The following PCDHGA3 variants were observed in gnomAD, a reference collection of about 807,000 sequenced individuals.
PCDHGA3 encodes protocadherin gamma-A3.
PCDHGA3 carries 40 observed loss-of-function variants against 58.5 expected under a neutral mutation model. The ratio of observed to expected loss-of-function variants is 0.68; its 90% confidence interval spans 0.53 to 0.89. PCDHGA3 has a LOEUF of 0.89. PCDHGA3 is among the 40% of genes least tolerant of loss of function. The pLI is 0.00. For synonymous variants in PCDHGA3, 530 were observed against 525.7 expected (o/e 1.01, Z -0.11); for missense variants, 1,223 against 1,195.9 (o/e 1.02, Z -0.33).
At chr5:141,403,905 A>G in intron 1 of PCDHGA3, 1 of 1,613,894 alleles carries the variant, frequency 6.2e-7, no homozygotes, top group Non-Finnish European at 8.5e-7. Context: ...TATGAAATGG[A>G]AATACAAGCT....
Position 141,385,038 on chromosome 5 carries a change from G to A in PCDHGA3, c.2424+38581G>A, listed in dbSNP as rs377185831. The A allele has an allele frequency of 7.4e-6, 12 of 1,614,020 alleles. No individual in the cohort carries two copies. The African/African-American group carries it at 1.2e-4, about 16-fold the overall frequency. On this transcript the variant is annotated intron_variant, in intron 1 of 3. Transcript: ENST00000253812. ...TAGCCTTCGTCCTCGTACTGCTGGC[G>A]CTCAGGCTGCGGCGCTGGCACAAGT...
intron 1 of PCDHGA3, chr5:141,419,788 A>G (rs750179874): frequency 6.2e-7 from 1 of 1,614,054 alleles, no homozygotes; most frequent in Non-Finnish European, 8.5e-7. Context: ...AGCGCCTGCT[A>G]GTCGCTGTAA....
At position 141,345,077 on chromosome 5, in the gene PCDHGA3, A is replaced by G; in HGVS notation, c.1044A>G (p.Thr348=). 6.2e-7 allele frequency: 1 copy of G among 1,613,982 alleles called. No individual in the cohort carries two copies. The highest frequency in any genetic ancestry group is 8.5e-7 in the Non-Finnish European group (1 of 1,179,878). ...LDVNDNAPEI[T]ITSLTSSVPE... is the part of the protein sequence containing the mutation. Reference sequence around the variant, plus strand: ...TGAATGACAATGCTCCAGAAATTACAATCACGTCTCTCACAAGCTCAGTCC... The same window carrying G: ...TGAATGACAATGCTCCAGAAATTACGATCACGTCTCTCACAAGCTCAGTCC... Residue 348 remains threonine (T), a synonymous_variant, in exon 1 of 4, where the codon ACA becomes ACG. Coordinates refer to ENST00000253812, the MANE Select transcript of PCDHGA3 (RefSeq NM_018916.4).
At chr5:141,366,451 C>A (rs372498112) in intron 1 of PCDHGA3, 8 of 1,614,110 alleles carry the variant, frequency 5.0e-6, no homozygotes, top group Non-Finnish European at 6.8e-6. Context: ...TCCTGGCCTT[C>A]GTCATCGTGC....
chr5:141,445,034 A>T (rs963629240), intron 1 of PCDHGA3, among the ~76,000 whole-genome samples: 4 of 152,156 alleles, frequency 2.6e-5, no homozygotes, highest in Admixed American at 2.0e-4. Context: ...GCTATGTTGT[A>T]TAGTTTTCAG....
At chr5:141,484,876 A>C in intron 1 of PCDHGA3, 1 of 315,240 alleles carries the variant, frequency 3.2e-6, no homozygotes, top group Non-Finnish European at 5.8e-6. Flanking sequence ...CGTGGAGGAT[A>C]GGGTGGGCTT....
intron 1 of PCDHGA3, among the ~76,000 whole-genome samples, chr5:141,453,996 C>T (rs2098779349): frequency 6.6e-6 from 1 of 152,128 alleles, no homozygotes; most frequent in Admixed American, 6.6e-5. Context: ...GTGATAAACC[C>T]ACATAACATT....
At position 141,364,870 on chromosome 5, in the gene PCDHGA3, G is replaced by A. The variant is rs767440295; in HGVS notation, c.2424+18413G>A. On this transcript the variant is annotated intron_variant, in intron 1 of 3. Coordinates refer to ENST00000253812, the MANE Select transcript of PCDHGA3 (RefSeq NM_018916.4). Reference sequence around the variant, plus strand: ...TCAGCTCCAATCTGCACTTCTCTCTGGATGTGGTAAGCGGAACTGATGGAC... The same window carrying A: ...TCAGCTCCAATCTGCACTTCTCTCTAGATGTGGTAAGCGGAACTGATGGAC... The A allele has an allele frequency of 1.1e-5, 17 of 1,613,978 alleles. No individual in the cohort carries two copies. In the Admixed American group the frequency reaches 1.8e-4, roughly 17 times the overall value.
At chr5:141,409,954 C>T (rs774233531) in intron 1 of PCDHGA3, 3 of 1,613,356 alleles carry the variant, frequency 1.9e-6, no homozygotes, top group South Asian at 1.1e-5. Flanking sequence ...CTGCAGAGCC[C>T]GGCTACCTAG....
chr5:141,424,184 C>A, intron 1 of PCDHGA3: 1 of 199,136 alleles, frequency 5.0e-6, no homozygotes, highest in Non-Finnish European at 9.9e-6. Context: ...TACACATGCA[C>A]ACACACTTAT....
intron 1 of PCDHGA3, chr5:141,410,627 TTC>T: frequency 6.2e-7 from 1 of 1,602,046 alleles, no homozygotes; most frequent in Admixed American, 1.7e-5. Flanking sequence ...TTCGGTGAGT[TTC>T]TCTTTTTTGT....
intron 1 of PCDHGA3, chr5:141,365,077 G>T (rs1048742374): frequency 6.2e-6 from 10 of 1,613,724 alleles, no homozygotes; most frequent in Non-Finnish European, 8.5e-6. Context: ...AGTACAGCGT[G>T]AGTGTTCCAG....
intron 1 of PCDHGA3, among the ~76,000 whole-genome samples, chr5:141,429,781 A>G (rs2097245343): frequency 1.3e-5 from 2 of 152,186 alleles, no homozygotes; most frequent in Non-Finnish European, 2.9e-5. Context: ...TGGGCTTCCA[A>G]AAGTATTACC....
Position 141,485,302 on chromosome 5 carries a change from T to C in PCDHGA3, c.2425-9505T>C. 1.2e-6 allele frequency: 2 copies of C among 1,614,152 alleles called. No homozygotes were observed. Among genetic ancestry groups the C allele is most frequent in the South Asian group, 2.2e-5 (2 of 91,078 alleles). On this transcript the variant is annotated intron_variant, in intron 1 of 3. Coordinates refer to ENST00000253812, the MANE Select transcript of PCDHGA3 (RefSeq NM_018916.4). This position sits in a 1 kb window ranked among gnomAD's most constrained non-coding sequence, Gnocchi z 5.7. ...TCCCAGAGGAGTCACAGGAAGGGAC[T>C]TTTGTAGGGAATGTCGCTCAAGATT... is the stretch of plus-strand genomic sequence containing the variant.
At chr5:141,371,062 G>C in intron 1 of PCDHGA3, 1 of 1,613,974 alleles carries the variant, frequency 6.2e-7, no homozygotes, top group African/African-American at 1.3e-5. Context: ...CCCTCCAGAA[G>C]CTGTACCACC....
intron 1 of PCDHGA3, chr5:141,376,110 G>A (rs772810239): frequency 3.7e-6 from 6 of 1,613,762 alleles, no homozygotes; most frequent in Non-Finnish European, 4.2e-6. Flanking sequence ...GCCGACCTGG[G>A]CAGCCTCGAG....
rs1264688160 is a variant in PCDHGA3, at chr5:141,493,193, G to A, written c.2425-1614G>A. 6.6e-6 allele frequency among the ~76,000 whole-genome samples: 1 copy of A among 152,128 alleles called. No individual in the cohort carries two copies. On this transcript the variant is annotated intron_variant, in intron 1 of 3. Transcript: ENST00000253812. This position sits in a 1 kb window ranked among gnomAD's most constrained non-coding sequence, Gnocchi z 4.3. ...GAGAAACTTACTATATAACTCCTTT[G>A]AGAACCTCATCTCATTTGCTCTTCC...
Position 141,510,990 on chromosome 5 carries a change from C to T in PCDHGA3, c.2616C>T (p.Thr872=). ...GSSTLGGGAG[T]MGLSARYGPQ... ...CCACCCTGGGAGGGGGTGCCGGCAC[C>T]ATGGGATTGAGCGCCCGCTACGGAC... The change falls in exon 4 of 4, where the codon ACC becomes ACT. Residue 872 remains threonine, a synonymous_variant. Transcript: ENST00000253812. The T allele has an allele frequency of 2.5e-6, 4 of 1,614,166 alleles. No homozygotes were observed. Among genetic ancestry groups the T allele is most frequent in the Non-Finnish European group, 3.4e-6 (4 of 1,180,014 alleles).
chr5:141,361,556 T>A, intron 1 of PCDHGA3: 1 of 1,614,058 alleles, frequency 6.2e-7, no homozygotes, highest in Non-Finnish European at 8.5e-7. Flanking sequence ...ATCGCTCAAA[T>A]CAGTGCCTCT....
Sources: gnomAD v4.1 joint callset for allele counts (sites outside exome capture counted in the v4.1 genomes callset) on GRCh38, gnomAD v4.1.1 for gene constraint, Gnocchi (gnomAD v3.1) non-coding constraint, MANE v1.5 for transcripts, NCBI Gene and HGNC (gene_info 2026-07-23, HGNC 2026-07-21) for gene names.